The following ZNF33B variants were observed in gnomAD, a reference collection of about 807,000 sequenced individuals.
ZNF33B encodes zinc finger protein 33B.
A neutral mutation model predicts 45.8 loss-of-function variants in ZNF33B; 29 were observed. The ratio of observed to expected loss-of-function variants is 0.63; its 90% confidence interval spans 0.47 to 0.86. ZNF33B has a LOEUF of 0.86. ZNF33B is among the 40% of genes least tolerant of loss of function. The probability of loss-of-function intolerance (pLI) is 0.00; values close to 1 mark genes in which losing one functional copy is unlikely to be tolerated. For missense variants in ZNF33B, 831 were observed against 909.9 expected (o/e 0.91, Z 1.12); for synonymous variants, 305 against 307.8 (o/e 0.99, Z 0.10).
rs1837096937 is a variant in ZNF33B at position 42,590,952 on chromosome 10, C to T, written c.*1661G>A. On this transcript the variant is annotated 3_prime_UTR_variant, in exon 5 of 5. Transcript: ENST00000359467. ...TCCAGGTTACTTTGGATTTAATTTG[C>T]TCTTCTTTTTCTAGTTTTCCAAAGT... is the stretch of plus-strand genomic sequence containing the variant. 6.3e-6 allele frequency: 1 copy of T among 158,912 alleles called. No homozygotes were observed. The highest frequency in any genetic ancestry group is 6.5e-5 in the Admixed American group (1 of 15,268). 9.8% of individuals were successfully genotyped at this position (158,912 alleles called of 1,614,324 possible). A position where few individuals can be genotyped will look rare whatever the true frequency, so the allele number is the denominator to read the frequency against.
At position 42,593,540 on chromosome 10, in the gene ZNF33B, T is replaced by C. The variant is rs1189260430; in HGVS notation, c.1410A>G (p.Glu470=). ...AAAAGGATTTCCCACACTCAAGACA[T>C]TCAAAAGGTTTCTCACCTGTGTGAG... ...QRTHTGEKPF[E]CLECGKSFCQ... The change falls in exon 5 of 5, where the codon GAA becomes GAG. Residue 470 remains glutamate (E), a synonymous_variant. Coordinates refer to ENST00000359467, the MANE Select transcript of ZNF33B (RefSeq NM_006955.3). 6.2e-7 allele frequency: 1 copy of C among 1,613,920 alleles called. No homozygotes were observed. Among genetic ancestry groups the C allele is most frequent in the Non-Finnish European group, 8.5e-7 (1 of 1,179,978 alleles).
chr10:42,626,692 A>AATAT (rs1229586059), intron 4 of ZNF33B, among the ~76,000 whole-genome samples: 1 of 78,280 alleles, frequency 1.3e-5, no homozygotes, highest in Non-Finnish European at 2.1e-5. Context: ...CATCTAAATA[A>AATAT]ATAAATAAAT....
chr10:42,609,393 G>C (rs544106233), intron 4 of ZNF33B, among the ~76,000 whole-genome samples: 3 of 152,114 alleles, frequency 2.0e-5, no homozygotes, highest in African/African-American at 7.2e-5. Context: ...ACTCCAGCCT[G>C]GGCAATATAG....
chr10:42,616,451 A>T (rs1269341044), intron 4 of ZNF33B, among the ~76,000 whole-genome samples: 1 of 152,182 alleles, frequency 6.6e-6, no homozygotes, highest in Non-Finnish European at 1.5e-5. Flanking sequence ...TAATTTTTTT[A>T]GTAATTTAAA....
chr10:42,627,215 G>A (rs58877883), intron 4 of ZNF33B, among the ~76,000 whole-genome samples: 17,204 of 152,184 alleles, frequency 0.11, 1,183 homozygotes, highest in African/African-American at 0.19. Context: ...TGTTGGCCAG[G>A]GTGGTTGCAA....
At chr10:42,630,228 GA>G (rs1198592926) in intron 4 of ZNF33B, among the ~76,000 whole-genome samples, 1 of 152,002 alleles carries the variant, frequency 6.6e-6, no homozygotes, top group Non-Finnish European at 1.5e-5. Context: ...CTTTATTCAT[GA>G]ATATAGTTTC....
chr10:42,575,717 T>C (rs922052096), intron 1 of ZNF33B, among the ~76,000 whole-genome samples: 1 of 145,738 alleles, frequency 6.9e-6, no homozygotes, highest in South Asian at 2.1e-4. Context: ...TAATAATATA[T>C]ATATATATAT....
At position 42,636,900 on chromosome 10, in the gene ZNF33B, G is replaced by A; in HGVS notation, c.9+20C>T. The A allele has an allele frequency of 6.2e-7, 1 of 1,614,072 alleles. No homozygotes were observed. Among genetic ancestry groups the A allele is most frequent in the African/African-American group, 1.3e-5 (1 of 75,030 alleles). On this transcript the variant is annotated intron_variant, in intron 2 of 4. Coordinates refer to ENST00000359467, the MANE Select transcript of ZNF33B (RefSeq NM_006955.3). The stretch of plus-strand genomic sequence containing the variant: ...CAAAGTCCACCGCAAAATAAAGTAG[G>A]GAATTAATAAACAACTTACCTTGTT...
chr10:42,615,418 C>T (rs924442542), intron 4 of ZNF33B, among the ~76,000 whole-genome samples: 1 of 152,160 alleles, frequency 6.6e-6, no homozygotes, highest in South Asian at 2.1e-4. Flanking sequence ...ATACATGCTA[C>T]AACATGGATG....
intron 4 of ZNF33B, among the ~76,000 whole-genome samples, chr10:42,600,280 T>C (rs1837565378): frequency 6.6e-6 from 1 of 152,170 alleles, no homozygotes; most frequent in Non-Finnish European, 1.5e-5. Flanking sequence ...TTATTAATTA[T>C]TAAAAGGATG....
At chr10:42,630,676 A>G (rs367913889) in intron 4 of ZNF33B, among the ~76,000 whole-genome samples, 1 of 152,188 alleles carries the variant, frequency 6.6e-6, no homozygotes, top group African/African-American at 2.4e-5. Context: ...ACAATCACTC[A>G]TAAGGAAAAC....
At chr10:42,595,633 A>C (rs1014373556) in intron 4 of ZNF33B, among the ~76,000 whole-genome samples, 2 of 152,158 alleles carry the variant, frequency 1.3e-5, no homozygotes, top group Non-Finnish European at 2.9e-5. Flanking sequence ...AGACTAATAC[A>C]ATGGCATTCA....
chr10:42,584,221 T>C (rs535479334), downstream of ZNF33B, among the ~76,000 whole-genome samples: 2 of 152,250 alleles, frequency 1.3e-5, no homozygotes, highest in Admixed American at 1.3e-4. Flanking sequence ...ACCCACTTAG[T>C]CTCGTTTCTG....
At position 42,594,409 on chromosome 10, in the gene ZNF33B, T is replaced by C; in HGVS notation, c.541A>G (p.Lys181Glu). The part of the protein sequence containing the change: ...NACGKLLLNI[K>E]HDETHTREKN... ...TCTCGAGTATGAGTTTCATCATGCTTAATATTGAGTAACAATTTCCCACAT... is the reference window on the plus strand; with the variant it reads ...TCTCGAGTATGAGTTTCATCATGCTCAATATTGAGTAACAATTTCCCACAT... Residue 181 changes from lysine (K) to glutamate (E), a missense_variant, in exon 5 of 5, where the codon AAG becomes GAG. Transcript: ENST00000359467. 1 of 1,613,806 alleles carries C rather than the reference T, an allele frequency of 6.2e-7. No individual in the cohort carries two copies. Among genetic ancestry groups the C allele is most frequent in the African/African-American group, 1.3e-5 (1 of 75,032 alleles).
At chr10:42,629,326 G>T (rs1413927411) in intron 4 of ZNF33B, among the ~76,000 whole-genome samples, 2 of 152,134 alleles carry the variant, frequency 1.3e-5, no homozygotes, top group Non-Finnish European at 2.9e-5. Context: ...GGAAGGTGAG[G>T]ATGGTTAAAG....
At chr10:42,604,551 A>C (rs1452513400) in intron 4 of ZNF33B, among the ~76,000 whole-genome samples, 10 of 152,364 alleles carry the variant, frequency 6.6e-5, no homozygotes, top group Middle Eastern at 3.4e-3. Flanking sequence ...AAGAAGACAG[A>C]AAAGAATACA....
At chr10:42,599,920 T>C (rs1837551369) in intron 4 of ZNF33B, among the ~76,000 whole-genome samples, 1 of 152,116 alleles carries the variant, frequency 6.6e-6, no homozygotes, top group African/African-American at 2.4e-5. Context: ...TCTAATTTCC[T>C]CTTCGAATTC....
intron 4 of ZNF33B, among the ~76,000 whole-genome samples, chr10:42,612,908 G>C (rs1055211462): frequency 1.3e-5 from 2 of 151,976 alleles, no homozygotes; most frequent in African/African-American, 4.8e-5. Flanking sequence ...CCATTTGAAT[G>C]GTTTATTTCT....
intron 4 of ZNF33B, among the ~76,000 whole-genome samples, chr10:42,615,408 A>G (rs1416474827): frequency 6.6e-6 from 1 of 152,230 alleles, no homozygotes; most frequent in Non-Finnish European, 1.5e-5. Flanking sequence ...TGAAATATTG[A>G]TACATGCTAC....
Sources: allele counts gnomAD v4.1 joint callset (sites outside exome capture counted in the v4.1 genomes callset), GRCh38; gene constraint gnomAD v4.1.1; transcripts MANE v1.5; gene names NCBI Gene and HGNC (gene_info 2026-07-23, HGNC 2026-07-21).